Variants in CPEB3 observed in about 807,000 individuals in gnomAD.
CPEB3 encodes cytoplasmic polyadenylation element binding protein 3, also known as cytoplasmic polyadenylation element-binding protein 3.
Under a neutral mutation model 67.2 loss-of-function variants are expected in CPEB3, and 20 were observed. The ratio of observed to expected loss-of-function variants is 0.30; its 90% CI spans 0.21 to 0.43. CPEB3 has a LOEUF of 0.43. Among genes scored for constraint, CPEB3 ranks in the 20% least tolerant of loss-of-function variants. The probability of loss-of-function intolerance (pLI) is 1.00; values close to 1 mark genes in which losing one functional copy is unlikely to be tolerated. For missense variants in CPEB3, 746 were observed against 968.6 expected (o/e 0.77, Z 3.05); for synonymous variants, 376 against 393.1 (o/e 0.96, Z 0.51).
intron 9 of CPEB3, among the ~76,000 whole-genome samples, chr10:92,067,015 C>G (rs1178150184): frequency 1.3e-5 from 2 of 151,424 alleles, no homozygotes; most frequent in Non-Finnish European, 2.9e-5. Context: ...CGCCACTGCA[C>G]TCCAGCCTGG....
At chr10:92,263,189 C>T (rs1852887455) in intron 1 of CPEB3, among the ~76,000 whole-genome samples, 1 of 152,200 alleles carries the variant, frequency 6.6e-6, no homozygotes, top group Non-Finnish European at 1.5e-5. Flanking sequence ...AATTCTCACG[C>T]CTCAGCCCCA....
chr10:92,057,480 T>C (rs1193581400), intron 9 of CPEB3, among the ~76,000 whole-genome samples: 1 of 152,216 alleles, frequency 6.6e-6, no homozygotes, highest in African/African-American at 2.4e-5. Flanking sequence ...AAGTACATGA[T>C]GCCCGGAGAG....
chr10:92,255,128 T>C (rs538030759), intron 1 of CPEB3, among the ~76,000 whole-genome samples: 44 of 152,238 alleles, frequency 2.9e-4, no homozygotes, highest in African/African-American at 1.1e-3. Context: ...TCATATTCCC[T>C]TTCCTCCTTT....
At chr10:92,142,789 A>C (rs1203184871) in intron 6 of CPEB3, among the ~76,000 whole-genome samples, 2 of 152,210 alleles carry the variant, frequency 1.3e-5, no homozygotes, top group Non-Finnish European at 2.9e-5. Flanking sequence ...AGGCTCATCC[A>C]CAACAGACTT....
intron 2 of CPEB3, among the ~76,000 whole-genome samples, chr10:92,218,430 A>T (rs1217125978): frequency 6.6e-6 from 1 of 152,112 alleles, no homozygotes; most frequent in Non-Finnish European, 1.5e-5. Context: ...AGACAAACAA[A>T]CACCAAAAAC....
chr10:92,191,736 T>C lies in CPEB3; in HGVS notation c.1165+741A>G, dbSNP rs549644246. Reference sequence around the variant, plus strand: ...TAGATCTTAACCCAAGTATAATGGATATTTCCATAGGTAATTTGCATTACA... The same window carrying C: ...TAGATCTTAACCCAAGTATAATGGACATTTCCATAGGTAATTTGCATTACA... On this transcript the variant is annotated intron_variant, in intron 3 of 9. Transcript: ENST00000265997. Among the ~76,000 whole-genome samples, 4 of 152,348 alleles carry C rather than the reference T, an allele frequency of 2.6e-5. No individual in the cohort carries two copies. In the South Asian group the frequency reaches 6.2e-4, roughly 24 times the overall value.
intron 9 of CPEB3, among the ~76,000 whole-genome samples, chr10:92,056,368 G>A (rs1450423145): frequency 2.0e-5 from 3 of 152,042 alleles, no homozygotes; most frequent in East Asian, 1.9e-4. Context: ...ACCTCCACCC[G>A]ACCCATGCCC....
intron 2 of CPEB3, among the ~76,000 whole-genome samples, chr10:92,226,015 T>A (rs1302695076): frequency 6.6e-6 from 1 of 152,122 alleles, no homozygotes; most frequent in African/African-American, 2.4e-5. Context: ...GAGAATTGCT[T>A]GAACCCAGGA....
chr10:92,184,930 G>A (rs945370605), intron 3 of CPEB3, among the ~76,000 whole-genome samples: 1 of 152,092 alleles, frequency 6.6e-6, no homozygotes, highest in African/African-American at 2.4e-5. Context: ...TTCTAAAATT[G>A]AAATTATTTC....
In CPEB3 at chr10:92,118,715, C is replaced by T. The variant is rs920540746; in HGVS notation, c.1454-7521G>A. On this transcript the variant is annotated intron_variant, in intron 6 of 9. Coordinates refer to ENST00000265997, the MANE Select transcript of CPEB3 (RefSeq NM_014912.5). Reference sequence around the variant, plus strand: ...TTGCCTCCGAGCCCACTTTAGCCCTCAGCTCTGTATCAGAAATGCTGTTCC... The same window carrying T: ...TTGCCTCCGAGCCCACTTTAGCCCTTAGCTCTGTATCAGAAATGCTGTTCC... 1.2e-5 allele frequency: 9 copies of T among 734,110 alleles called. No homozygotes were observed. In the African/African-American group the frequency reaches 1.4e-4, roughly 11 times the overall value. 45.5% of individuals were successfully genotyped at this position (734,110 alleles called of 1,614,324 possible).
intron 1 of CPEB3, among the ~76,000 whole-genome samples, chr10:92,242,015 T>C (rs1344498005): frequency 6.6e-6 from 1 of 152,216 alleles, no homozygotes; most frequent in East Asian, 1.9e-4. Flanking sequence ...ATGATAATAA[T>C]TATTGTTAAA....
intron 3 of CPEB3, among the ~76,000 whole-genome samples, chr10:92,181,655 G>A (rs1354928900): frequency 6.6e-6 from 1 of 152,132 alleles, no homozygotes; most frequent in Admixed American, 6.5e-5. Flanking sequence ...AGTTGCAAAC[G>A]TCTGCTGACA....
chr10:92,209,797 C>T (rs539770497), intron 2 of CPEB3, among the ~76,000 whole-genome samples: 25 of 151,644 alleles, frequency 1.6e-4, no homozygotes, highest in Non-Finnish European at 3.1e-4. Context: ...ATTAGCTGGG[C>T]GTGGTAGCAG....
At position 92,201,330 on chromosome 10, in the gene CPEB3, C is replaced by G. The variant is rs573353658; in HGVS notation, c.1006-8694G>C. 4.6e-3 allele frequency among the ~76,000 whole-genome samples: 700 copies of G among 152,258 alleles called. 8 individuals carry two copies. The highest frequency in any genetic ancestry group is 0.031 in the Middle Eastern group (9 of 294). On this transcript the variant is annotated intron_variant, in intron 2 of 9. Coordinates refer to ENST00000265997, the MANE Select transcript of CPEB3 (RefSeq NM_014912.5). ...ATCACCTGAGGTCAGCAGTTCGAGA[C>G]CAGCCTGGCCAACATGGTGAAACCC... is the stretch of plus-strand genomic sequence containing the variant.
intron 4 of CPEB3, among the ~76,000 whole-genome samples, chr10:92,170,941 T>C (rs1847972048): frequency 6.6e-6 from 1 of 152,190 alleles, no homozygotes; most frequent in African/African-American, 2.4e-5. Context: ...TCCTACACTG[T>C]TCAGGACAGC....
chr10:92,176,725 T>C (rs1022387480), intron 4 of CPEB3, among the ~76,000 whole-genome samples: 1 of 152,234 alleles, frequency 6.6e-6, no homozygotes, highest in African/African-American at 2.4e-5. Flanking sequence ...AAATTTGGTT[T>C]ATGTGATGAA....
chr10:92,077,599 A>G (rs767400045), intron 9 of CPEB3, among the ~76,000 whole-genome samples: 1 of 152,100 alleles, frequency 6.6e-6, no homozygotes, highest in Non-Finnish European at 1.5e-5. Context: ...TCTACCAAAA[A>G]TACAAAAAAA....
chr10:92,227,183 T>C (rs1236581679), intron 2 of CPEB3, among the ~76,000 whole-genome samples: 1 of 152,110 alleles, frequency 6.6e-6, no homozygotes, highest in Non-Finnish European at 1.5e-5. Flanking sequence ...TGGTCTGAGG[T>C]AGGGAGAGCG....
At position 92,050,921 on chromosome 10, in the gene CPEB3, TTATAA is replaced by T. The variant is rs1204772452; in HGVS notation, c.*1286_*1290del. ...TGTAACTAAGAGCTCATGTGTTAGT[TTATAA>T]TATATCAGTTATGAACTGTCAAGTT... On this transcript the variant is annotated 3_prime_UTR_variant, in exon 10 of 10. Transcript: ENST00000265997. 12 of 152,810 alleles carry T rather than the reference TTATAA, an allele frequency of 7.9e-5. No homozygotes were observed. Among genetic ancestry groups the T allele is most frequent in the African/African-American group, 2.4e-4 (10 of 41,588 alleles). 9.5% of individuals were successfully genotyped at this position (152,810 alleles called of 1,614,324 possible).
Sources: allele counts gnomAD v4.1 joint callset (sites outside exome capture counted in the v4.1 genomes callset), GRCh38; gene constraint gnomAD v4.1.1; transcripts MANE v1.5; gene names NCBI Gene and HGNC (gene_info 2026-07-23, HGNC 2026-07-21).